Variants in PDS5A observed in about 807,000 individuals in gnomAD.
The protein encoded by PDS5A is sister chromatid cohesion protein PDS5 homolog A.
PDS5A carries 42 observed loss-of-function variants against 167.1 expected under a neutral mutation model. That is an observed-to-expected ratio of 0.25 (90% CI 0.20 to 0.33). PDS5A has a LOEUF of 0.33. Among genes scored for constraint, PDS5A ranks in the 10% least tolerant of loss-of-function variants. The pLI is 1.00. For missense variants in PDS5A, 1,033 were observed against 1,605.9 expected (o/e 0.64, Z 6.10); for synonymous variants, 553 against 554.6 (o/e 1.00, Z 0.04).
intron 32 of PDS5A, among the ~76,000 whole-genome samples, chr4:39,830,527 G>C (rs1454871641): frequency 6.6e-6 from 1 of 152,150 alleles, no homozygotes; most frequent in Non-Finnish European, 1.5e-5. Context: ...CCAGGTTTAA[G>C]CAATTCTCCT....
intron 8 of PDS5A, among the ~76,000 whole-genome samples, chr4:39,916,278 T>C (rs1316020932): frequency 6.6e-6 from 1 of 151,992 alleles, no homozygotes; most frequent in Non-Finnish European, 1.5e-5. Context: ...CTTTTACAAA[T>C]AGCAGAGGGG....
intron 31 of PDS5A, among the ~76,000 whole-genome samples, chr4:39,839,873 A>C (rs1260159050): frequency 2.6e-5 from 4 of 151,928 alleles, no homozygotes; most frequent in African/African-American, 9.7e-5. Flanking sequence ...AGGTGGGCGA[A>C]TCACGAGGTC....
chr4:39,906,619 AAGCAGC>A lies in PDS5A; in HGVS notation c.1233+1770_1233+1775del, dbSNP rs555778865. Among the ~76,000 whole-genome samples, 549 of 151,714 alleles carry A rather than the reference AAGCAGC, an allele frequency of 3.6e-3. 1 individual carries two copies. The highest frequency in any genetic ancestry group is 0.012 in the African/African-American group (493 of 41,356). ...AAAAATCTGTGTATTAAAAAAAAAA[AAGCAGC>A]AGCAGCAGCAGCTGAGTGTGATGGT... is the stretch of plus-strand genomic sequence containing the variant. On this transcript the variant is annotated intron_variant, in intron 11 of 32. Transcript: ENST00000303538.
rs1182398570 is a variant in PDS5A at position 39,877,139 on chromosome 4, T to C, written c.2007A>G (p.Thr669=). The C allele has an allele frequency of 2.5e-6, 4 of 1,579,686 alleles. No individual in the cohort carries two copies. The highest frequency in any genetic ancestry group is 2.7e-5 in the African/African-American group (2 of 73,386). ...CTGCAGAGTGGAACGAGGTAGGATG[T>C]GTAAAAGACAGAACCTGAAAAAACA... The part of the protein sequence containing the change: ...GLELLKVLSF[T]HPTSFHSAET... Residue 669 remains threonine, a synonymous_variant, in exon 19 of 33, where the codon ACA becomes ACG. Transcript: ENST00000303538.
At chr4:39,858,879 C>A (rs1718753915) in intron 26 of PDS5A, among the ~76,000 whole-genome samples, 1 of 152,150 alleles carries the variant, frequency 6.6e-6, no homozygotes, top group Non-Finnish European at 1.5e-5. Flanking sequence ...CTGTGCCCGG[C>A]TGAAAACACA....
chr4:39,843,617 T>C (rs759737078), intron 30 of PDS5A, among the ~76,000 whole-genome samples: 3 of 152,036 alleles, frequency 2.0e-5, no homozygotes, highest in Non-Finnish European at 4.4e-5. Flanking sequence ...GGTGTGAGAA[T>C]CACTTGAAAC....
At position 39,946,140 on chromosome 4, in the gene PDS5A, G is replaced by T. The variant is rs541501246; in HGVS notation, c.139-17976C>A. On this transcript the variant is annotated intron_variant, in intron 2 of 32. Transcript: ENST00000303538. ...GAGAATCGCTTGAACCCAGGAGGCAGAGGTTACAGTGAGCTGAGATCACAT... is the reference window on the plus strand; with the variant it reads ...GAGAATCGCTTGAACCCAGGAGGCATAGGTTACAGTGAGCTGAGATCACAT... Among the ~76,000 whole-genome samples, 35 of 149,842 alleles carry T rather than the reference G, an allele frequency of 2.3e-4. 1 individual carries two copies. In the East Asian group the frequency reaches 6.7e-3, roughly 28 times the overall value.
chr4:39,840,134 A>G (rs1399602393), intron 31 of PDS5A, among the ~76,000 whole-genome samples: 3 of 152,016 alleles, frequency 2.0e-5, no homozygotes, highest in Non-Finnish European at 4.4e-5. Context: ...AAAAAAAACA[A>G]CTGAAAGAAG....
chr4:39,913,372 G>A (rs947459566), intron 9 of PDS5A, among the ~76,000 whole-genome samples: 6 of 151,928 alleles, frequency 3.9e-5, no homozygotes, highest in African/African-American at 1.5e-4. Context: ...AGCCACCACG[G>A]CTGGCCATGA....
chr4:39,974,171 C>T, intron 2 of PDS5A: 1 of 576,494 alleles, frequency 1.7e-6, no homozygotes, highest in East Asian at 4.7e-5. Flanking sequence ...CCAAACTGCT[C>T]TACTGAGACC....
chr4:39,969,655 A>C (rs990749797), intron 2 of PDS5A, among the ~76,000 whole-genome samples: 4 of 150,622 alleles, frequency 2.7e-5, no homozygotes, highest in African/African-American at 1.0e-4. Flanking sequence ...AACAAGAGCA[A>C]AACTTGGTCT....
intron 14 of PDS5A, among the ~76,000 whole-genome samples, chr4:39,899,284 C>T (rs1722675775): frequency 6.6e-6 from 1 of 152,074 alleles, no homozygotes; most frequent in Non-Finnish European, 1.5e-5. Context: ...TCAGGAAAAC[C>T]TCCTTTCTAA....
intron 26 of PDS5A, among the ~76,000 whole-genome samples, chr4:39,860,767 T>C (rs1302300463): frequency 1.3e-5 from 2 of 152,120 alleles, no homozygotes; most frequent in African/African-American, 2.4e-5. Context: ...CTCACTCATA[T>C]GTGGGCACTG....
chr4:39,899,000 GA>G (rs531810553), intron 14 of PDS5A, among the ~76,000 whole-genome samples, 175 bp from the exon 15 acceptor site: 125 of 152,130 alleles, frequency 8.2e-4, no homozygotes, highest in African/African-American at 2.9e-3. Flanking sequence ...TAACAACAAA[GA>G]ATTACATAGT....
chr4:39,943,900 G>A (rs1471163777), intron 2 of PDS5A, among the ~76,000 whole-genome samples: 7 of 151,914 alleles, frequency 4.6e-5, no homozygotes, highest in South Asian at 2.1e-4. Flanking sequence ...TTAGTCGGCC[G>A]GGTGTGGTGG....
At chr4:39,841,572 G>A (rs1018286783) in intron 31 of PDS5A, among the ~76,000 whole-genome samples, 1 of 150,528 alleles carries the variant, frequency 6.6e-6, no homozygotes, top group African/African-American at 2.5e-5. Flanking sequence ...GAGTACAATG[G>A]CGTTATCTCA....
chr4:39,915,217 T>C (rs1425569972), intron 8 of PDS5A, among the ~76,000 whole-genome samples: 1 of 151,814 alleles, frequency 6.6e-6, no homozygotes, highest in African/African-American at 2.4e-5. Flanking sequence ...TTTTTATTTT[T>C]CTATAGAGAC....
chr4:39,823,196 A>T lies in PDS5A; in HGVS notation c.*2289T>A, dbSNP rs543459938. 51 of 152,626 alleles carry T rather than the reference A, an allele frequency of 3.3e-4. No individual in the cohort carries two copies. The highest frequency in any genetic ancestry group is 3.3e-3 in the Admixed American group (51 of 15,284). The allele number at this position is 152,626 out of a possible 1,614,324, so 9.5% of individuals were successfully genotyped here. The stretch of plus-strand genomic sequence containing the variant: ...GATGTGAATACCAAATTCCTAAGGG[A>T]TTTTAATGTTTTCCTTTGAAAAGGA... On this transcript the variant is annotated 3_prime_UTR_variant, in exon 33 of 33. Transcript: ENST00000303538.
chr4:39,898,217 G>A, intron 16 of PDS5A, 172 bp downstream of exon 16: 1 of 1,285,626 alleles, frequency 7.8e-7, no homozygotes, highest in African/African-American at 1.5e-5. Flanking sequence ...GAATGTGGCT[G>A]AGAGTGAATG....
Sources: gnomAD v4.1 joint callset for allele counts (sites outside exome capture counted in the v4.1 genomes callset) on GRCh38, gnomAD v4.1.1 for gene constraint, MANE v1.5 for transcripts, NCBI Gene and HGNC (gene_info 2026-07-23, HGNC 2026-07-21) for gene names.